OSBPL6: variants seen among roughly 807,000 people sequenced by gnomAD.
OSBPL6 encodes the protein oxysterol-binding protein-related protein 6.
A neutral mutation model predicts 125.8 loss-of-function variants in OSBPL6; 49 were observed. That is an observed-to-expected ratio of 0.39 (90% confidence interval 0.31 to 0.49). OSBPL6 has a LOEUF of 0.49. OSBPL6 is among the 20% of genes least tolerant of loss of function. OSBPL6 has a pLI of 0.88. For synonymous variants in OSBPL6, 394 were observed against 391.8 expected (o/e 1.01, Z -0.07); for missense variants, 986 against 1,135.4 (o/e 0.87, Z 1.89).
chr2:178,258,124 G>A (rs2091943377), intron 1 of OSBPL6, among the ~76,000 whole-genome samples: 1 of 150,744 alleles, frequency 6.6e-6, no homozygotes, highest in Admixed American at 6.6e-5. Context: ...TTTTTGAGAT[G>A]GAGTCTCACT....
chr2:178,394,238 A>G (rs1695659730), intron 23 of OSBPL6, 75 bp from the exon 24 acceptor site: 9 of 1,557,792 alleles, frequency 5.8e-6, no homozygotes, highest in Admixed American at 2.0e-5. Context: ...TTAGAAAACA[A>G]TTTTGTGCAA....
chr2:178,208,313 A>T (rs2089648226), intron 1 of OSBPL6, among the ~76,000 whole-genome samples: 1 of 151,892 alleles, frequency 6.6e-6, no homozygotes, highest in South Asian at 2.1e-4. Context: ...AAAGAAAGAA[A>T]GAAACAAAGT....
At position 178,305,582 on chromosome 2, in the gene OSBPL6, G is replaced by A. The variant is rs1335459534; in HGVS notation, c.-155-448G>A. On this transcript the variant is annotated intron_variant, in intron 2 of 24. Coordinates refer to ENST00000190611, the MANE Select transcript of OSBPL6 (RefSeq NM_032523.4). The stretch of plus-strand genomic sequence containing the variant: ...CTGGATCACAGGATGCACACAATGT[G>A]TTAACTCTTTTGTAACTGACTACTT... Among the ~76,000 whole-genome samples the A allele has an allele frequency of 2.0e-5, 3 of 152,326 alleles. No individual in the cohort carries two copies. In the East Asian group the frequency reaches 5.8e-4, roughly 29 times the overall value.
chr2:178,376,547 C>G (rs921461709), intron 15 of OSBPL6, among the ~76,000 whole-genome samples: 3 of 152,094 alleles, frequency 2.0e-5, no homozygotes, highest in African/African-American at 4.8e-5. Context: ...CTTGCTGCCT[C>G]CCATCCATTT....
At position 178,194,650 on chromosome 2, in the gene OSBPL6, C is replaced by G. The variant is rs1162801843; in HGVS notation, c.-375C>G. Reference sequence around the variant, plus strand: ...GCAGCCGCGCAGCCGCCGCAGAGTCCGCGGCGCCACCGCTCGCCCTCCAGG... The same window carrying G: ...GCAGCCGCGCAGCCGCCGCAGAGTCGGCGGCGCCACCGCTCGCCCTCCAGG... On this transcript the variant is annotated 5_prime_UTR_variant, in exon 1 of 25. Coordinates refer to ENST00000190611, the MANE Select transcript of OSBPL6 (RefSeq NM_032523.4). 1.3e-5 allele frequency: 2 copies of G among 152,854 alleles called. No homozygotes were observed. Among genetic ancestry groups the G allele is most frequent in the Non-Finnish European group, 1.5e-5 (1 of 68,652 alleles). The allele number at this position is 152,854 out of a possible 1,614,324, so 9.5% of individuals were successfully genotyped here. A position where few individuals can be genotyped will look rare whatever the true frequency, so the allele number is the denominator to read the frequency against.
intron 3 of OSBPL6, among the ~76,000 whole-genome samples, chr2:178,307,352 T>C (rs2154059924): frequency 6.6e-6 from 1 of 152,132 alleles, no homozygotes; most frequent in East Asian, 1.9e-4. Context: ...TAGCAAGAAA[T>C]TCCAGGAGAA....
intron 11 of OSBPL6, among the ~76,000 whole-genome samples, chr2:178,349,006 A>C (rs576922313): frequency 2.6e-5 from 4 of 152,350 alleles, no homozygotes; most frequent in Admixed American, 6.5e-5. Flanking sequence ...GTAGCAGTGA[A>C]AAATTGGTGA....
intron 2 of OSBPL6, among the ~76,000 whole-genome samples, chr2:178,305,092 A>T (rs1559223579): frequency 6.6e-6 from 1 of 152,150 alleles, no homozygotes; most frequent in African/African-American, 2.4e-5. Context: ...ACAAGCCTAC[A>T]CAAGTGTTCT....
intron 2 of OSBPL6, among the ~76,000 whole-genome samples, chr2:178,292,495 T>C (rs1685376695): frequency 6.6e-6 from 1 of 152,186 alleles, no homozygotes; most frequent in South Asian, 2.1e-4. Context: ...AAACTTCAAC[T>C]GTATATGGCT....
At chr2:178,275,843 G>A (rs2092458633) in intron 1 of OSBPL6, among the ~76,000 whole-genome samples, 1 of 152,098 alleles carries the variant, frequency 6.6e-6, no homozygotes, top group South Asian at 2.1e-4. Flanking sequence ...GGACTGTTAT[G>A]AACACTTTAC....
intron 1 of OSBPL6, among the ~76,000 whole-genome samples, chr2:178,204,619 G>T (rs1305624306): frequency 6.6e-6 from 1 of 152,144 alleles, no homozygotes; most frequent in Non-Finnish European, 1.5e-5. Flanking sequence ...TCCACTTCTT[G>T]GTTGTCTCCA....
intron 17 of OSBPL6, among the ~76,000 whole-genome samples, chr2:178,383,711 G>A (rs1363171604): frequency 6.6e-6 from 1 of 152,166 alleles, no homozygotes; most frequent in Non-Finnish European, 1.5e-5. Context: ...CAATCCTCAT[G>A]CACATGAGGC....
chr2:178,344,402 A>C (rs1690508741), intron 11 of OSBPL6: 2 of 1,591,042 alleles, frequency 1.3e-6, no homozygotes, highest in Non-Finnish European at 1.7e-6. Flanking sequence ...AATAAGAATG[A>C]GAACCTGTGT....
rs368204693 is a variant in OSBPL6, at chr2:178,374,000, C to A, written c.1506C>A (p.Leu502=). Residue 502 remains leucine, a synonymous_variant, in exon 15 of 25, where the codon CTC becomes CTA. Transcript: ENST00000190611. ...VSEFFDAQEV[L]LSASSSENEA... ...AGTTCTTTGATGCCCAAGAGGTGCTCCTCTCTGCAAGTTCGTCAGAGAATG... is the reference window on the plus strand; with the variant it reads ...AGTTCTTTGATGCCCAAGAGGTGCTACTCTCTGCAAGTTCGTCAGAGAATG... The A allele has an allele frequency of 1.2e-5, 20 of 1,613,966 alleles. No homozygotes were observed. Among genetic ancestry groups the A allele is most frequent in the Non-Finnish European group, 1.5e-5 (18 of 1,179,980 alleles).
At chr2:178,289,263 G>A (rs1028797228) in intron 2 of OSBPL6, among the ~76,000 whole-genome samples, 1 of 151,948 alleles carries the variant, frequency 6.6e-6, no homozygotes, top group South Asian at 2.1e-4. Context: ...TGATCCACCC[G>A]CCTCGGCCTC....
intron 1 of OSBPL6, among the ~76,000 whole-genome samples, chr2:178,255,744 TG>T (rs2091865103): frequency 6.6e-6 from 1 of 152,136 alleles, no homozygotes; most frequent in Non-Finnish European, 1.5e-5. Context: ...AAAACTAGGT[TG>T]GGGGAGGAGA....
At position 178,339,063 on chromosome 2, in the gene OSBPL6, C is replaced by T; in HGVS notation, c.863C>T (p.Thr288Ile). Residue 288 changes from threonine to isoleucine, a missense_variant, in exon 10 of 25, where the codon ACT becomes ATT. Thr to Ile is a moderately conservative substitution (Grantham distance 89). Coordinates refer to ENST00000190611, the MANE Select transcript of OSBPL6 (RefSeq NM_032523.4). ...CAAAATTTGGAAATACTTCAGAGAA[C>T]TCAGTCGGCACCTAACTTTACTGAC... ...LLQNLEILQR[T>I]QSAPNFTDMQ... The T allele has an allele frequency of 6.2e-7, 1 of 1,612,580 alleles. No homozygotes were observed. The highest frequency in any genetic ancestry group is 8.5e-7 in the Non-Finnish European group (1 of 1,178,862).
chr2:178,213,607 C>G (rs2089965395), intron 1 of OSBPL6, among the ~76,000 whole-genome samples: 1 of 152,150 alleles, frequency 6.6e-6, no homozygotes, highest in Non-Finnish European at 1.5e-5. Flanking sequence ...CTATACACAC[C>G]TGCTAGGAAA....
intron 15 of OSBPL6, among the ~76,000 whole-genome samples, chr2:178,379,319 AAGG>A: frequency 9.2e-6 from 1 of 109,282 alleles, no homozygotes; most frequent in Admixed American, 9.6e-5. Context: ...AACAGGAAGG[AAGG>A]AAGGAAAGGA....
Sources: gnomAD v4.1 joint callset for allele counts (sites outside exome capture counted in the v4.1 genomes callset) on GRCh38, gnomAD v4.1.1 for gene constraint, MANE v1.5 for transcripts, NCBI Gene and HGNC (gene_info 2026-07-23, HGNC 2026-07-21) for gene names.